Variants in ADGRF4 observed in about 807,000 individuals in gnomAD.
ADGRF4 encodes the protein adhesion G protein-coupled receptor F4.
Under a neutral mutation model 58.5 loss-of-function variants are expected in ADGRF4, and 63 were observed. The observed-to-expected ratio is 1.08, with a 90% CI of 0.88 to 1.33. ADGRF4 has a LOEUF of 1.33. Ranked by LOEUF, ADGRF4 falls within the 40% of genes most tolerant of loss-of-function variation. The pLI is 0.00. For synonymous variants in ADGRF4, 313 were observed against 295.4 expected (o/e 1.06, Z -0.61); for missense variants, 931 against 843.9 (o/e 1.10, Z -1.28).
At chr6:47,717,493 C>T (rs944992461) in intron 8 of ADGRF4, 142 bp downstream of exon 8, 14 of 687,466 alleles carry the variant, frequency 2.0e-5, no homozygotes, top group South Asian at 4.7e-5. Flanking sequence ...TTTCTTCATT[C>T]GGTAAATTTG....
At chr6:47,713,520 A>G (rs868300979) in intron 5 of ADGRF4, among the ~76,000 whole-genome samples, 1 of 152,046 alleles carries the variant, frequency 6.6e-6, no homozygotes, top group Non-Finnish European at 1.5e-5. Flanking sequence ...TTAAAATCTC[A>G]TGGGAAACTT....
At chr6:47,716,885 A>T (rs367869250) in intron 7 of ADGRF4, 38 bp downstream of exon 7, 3 of 1,436,598 alleles carry the variant, frequency 2.1e-6, no homozygotes, top group Non-Finnish European at 2.9e-6. Context: ...AATGGTTTTC[A>T]TGTGGCTGGG....
intron 4 of ADGRF4, among the ~76,000 whole-genome samples, 154 bp downstream of exon 4, chr6:47,711,040 C>G (rs915168888): frequency 1.3e-5 from 2 of 151,812 alleles, no homozygotes; most frequent in Admixed American, 1.3e-4. Context: ...GACCTTCTTT[C>G]CTTACCCAAA....
chr6:47,717,250 C>A, intron 7 of ADGRF4, 42 bp from the exon 8 acceptor site: 1 of 1,409,980 alleles, frequency 7.1e-7, no homozygotes, highest in Non-Finnish European at 1.0e-6. Context: ...GTTGTTTCTT[C>A]CAACATCTGT....
intron 1 of ADGRF4, among the ~76,000 whole-genome samples, chr6:47,703,053 G>T (rs1252427361): frequency 6.6e-6 from 1 of 152,162 alleles, no homozygotes; most frequent in Non-Finnish European, 1.5e-5. Context: ...TTGCATGCTT[G>T]TTCTTTTCTT....
intron 3 of ADGRF4, among the ~76,000 whole-genome samples, chr6:47,710,004 G>T (rs1458911575): frequency 6.6e-6 from 1 of 152,080 alleles, no homozygotes; most frequent in Non-Finnish European, 1.5e-5. Flanking sequence ...GCTTTGTTCA[G>T]GTATGAGTTA....
rs75745794 is a variant in ADGRF4, at chr6:47,709,293, C to T, written c.148+1015C>T. Among the ~76,000 whole-genome samples the T allele has an allele frequency of 3.6e-3, 543 of 152,334 alleles. 8 individuals are homozygous for T. The highest frequency in any genetic ancestry group is 0.012 in the African/African-American group (511 of 41,570). Reference sequence around the variant, plus strand: ...GTTCTTCCTATCTGAAGTGCATGCACTCTGACCGATGGGCCACATTTGGCC... The same window carrying T: ...GTTCTTCCTATCTGAAGTGCATGCATTCTGACCGATGGGCCACATTTGGCC... On this transcript the variant is annotated intron_variant, in intron 3 of 9. Transcript: ENST00000283303.
rs111640538 is a variant in ADGRF4, at chr6:47,714,629, C to T, written c.1384C>T (p.His462Tyr). ...TANVWFIIGSHFNIKAQDYNM... is the reference protein window; with the variant it reads ...TANVWFIIGSYFNIKAQDYNM... ...CAATGTGTGGTTTATCATAGGCTCT[C>T]ACTTTAACATTAAGGCCCAGGACTA... The change falls in exon 6 of 10, where the codon CAC (histidine) becomes TAC (tyrosine). Residue 462 changes from histidine to tyrosine, a missense_variant. Physicochemically the swap from His to Tyr is moderately conservative, Grantham distance 83. Transcript: ENST00000283303. 3.6e-5 allele frequency: 58 copies of T among 1,614,180 alleles called. No homozygotes were observed. In the African/African-American group the frequency reaches 5.1e-4, roughly 14 times the overall value.
Position 47,699,903 on chromosome 6 carries a change from T to TACAC in ADGRF4, c.-17+1127_-17+1130dup, listed in dbSNP as rs138771559. On this transcript the variant is annotated intron_variant, in intron 1 of 9. Coordinates refer to ENST00000283303, the MANE Select transcript of ADGRF4 (RefSeq NM_153838.5). ...ATTAGGGGAACAACACACACACACATACACACACACACACACACACAGACG... is the reference window on the plus strand; with the variant it reads ...ATTAGGGGAACAACACACACACACATACACACACACACACACACACACACAGACG... Among the ~76,000 whole-genome samples, 961 of 146,528 alleles carry TACAC rather than the reference T, an allele frequency of 6.6e-3. 11 individuals are homozygous for TACAC. Among genetic ancestry groups the TACAC allele is most frequent in the African/African-American group, 0.019 (752 of 39,522 alleles).
At chr6:47,717,217 A>G in intron 7 of ADGRF4, 75 bp from the exon 8 acceptor site, 2 of 1,048,968 alleles carry the variant, frequency 1.9e-6, no homozygotes, top group South Asian at 2.5e-5. Flanking sequence ...TACTGGTCTT[A>G]AAGTTTCAGG....
intron 5 of ADGRF4, 119 bp downstream of exon 5, chr6:47,712,727 C>A (rs1296867232): frequency 2.8e-6 from 2 of 704,288 alleles, no homozygotes; most frequent in Non-Finnish European, 4.7e-6. Context: ...CAACAGCAGG[C>A]ATTTCACTTC....
At chr6:47,706,352 G>A (rs562928424) in intron 1 of ADGRF4, among the ~76,000 whole-genome samples, 47 of 152,306 alleles carry the variant, frequency 3.1e-4, no homozygotes, top group African/African-American at 9.6e-4. Flanking sequence ...ATCTTCCTGC[G>A]CATCTAGTTT....
chr6:47,707,306 T>C lies in ADGRF4; in HGVS notation c.61T>C (p.Cys21Arg). Residue 21 changes from cysteine (C) to arginine (R), a missense_variant, in exon 2 of 10, where the codon TGT (cysteine) becomes CGT (arginine). Physicochemically the swap from Cys to Arg is radical, Grantham distance 180. Transcript: ENST00000283303. ...CCLVFFLSTE[C>R]SHYRSKIHLK... Reference sequence around the variant, plus strand: ...CTTAGTGTTCTTTCTGTCCACAGAATGTTCCCACTATAGATCCAAGATTCA... The same window carrying C: ...CTTAGTGTTCTTTCTGTCCACAGAACGTTCCCACTATAGATCCAAGATTCA... 6.2e-6 allele frequency: 10 copies of C among 1,612,554 alleles called. No homozygotes were observed. Among genetic ancestry groups the C allele is most frequent in the Non-Finnish European group, 7.6e-6 (9 of 1,178,518 alleles).
chr6:47,713,776 T>C (rs977653945), intron 5 of ADGRF4, 22 bp from the exon 6 acceptor site: 1 of 1,503,094 alleles, frequency 6.7e-7, no homozygotes, highest in Non-Finnish European at 8.9e-7. Context: ...CTTAGTATAA[T>C]GTTCACCTTT....
intron 8 of ADGRF4, among the ~76,000 whole-genome samples, chr6:47,718,005 G>A (rs188565230): frequency 5.3e-4 from 81 of 152,232 alleles, no homozygotes; most frequent in African/African-American, 1.9e-3. Context: ...CCTTAAAAAC[G>A]AAAACTTTTT....
chr6:47,712,589 T>C lies in ADGRF4; in HGVS notation c.533T>C (p.Val178Ala). ...KNISTDLSDNVTREKMKSYSE... is the reference protein window; with the variant it reads ...KNISTDLSDNATREKMKSYSE... Reference sequence around the variant, plus strand: ...ATTTCTACAGACTTGTCTGATAATGTTACTCGAGAGAAAATGAAGGTATTC... The same window carrying C: ...ATTTCTACAGACTTGTCTGATAATGCTACTCGAGAGAAAATGAAGGTATTC... Residue 178 changes from valine (V) to alanine (A), a missense_variant, in exon 5 of 10, where the codon GTT (valine) becomes GCT (alanine). Transcript: ENST00000283303. 1 of 1,578,722 alleles carries C rather than the reference T, an allele frequency of 6.3e-7. No individual in the cohort carries two copies. The highest frequency in any genetic ancestry group is 8.7e-7 in the Non-Finnish European group (1 of 1,148,082).
In ADGRF4 at chr6:47,713,863, C is replaced by G; in HGVS notation, c.618C>G (p.Pro206=). 1.3e-6 allele frequency: 2 copies of G among 1,599,500 alleles called. No individual in the cohort carries two copies. The highest frequency in any genetic ancestry group is 1.7e-6 in the Non-Finnish European group (2 of 1,173,736). ...CCATTTCAAACTGGGCTTTCATTCC[C>G]AACAAAAATGCCAGCTCGGATTTGT... ...TAAISNWAFI[P]NKNASSDLLQ... The change falls in exon 6 of 10, where the codon CCC becomes CCG. Residue 206 remains proline (P), a synonymous_variant. Transcript: ENST00000283303.
chr6:47,716,833 A>T lies in ADGRF4; in HGVS notation c.1960A>T (p.Ile654Phe). The T allele has an allele frequency of 6.2e-7, 1 of 1,600,004 alleles. No individual in the cohort carries two copies. Among genetic ancestry groups the T allele is most frequent in the Non-Finnish European group, 8.5e-7 (1 of 1,172,854 alleles). ...TTTTTTCATCCTGCTGTTTGGAACC[A>T]TTATGGATCACAAGGTAATTTGAAT... ...QGFFILLFGT[I>F]MDHKIRDALR... is the part of the protein sequence containing the mutation. Residue 654 changes from isoleucine to phenylalanine, a missense_variant, in exon 7 of 10, where the codon ATT becomes TTT. Ile to Phe is a conservative substitution (Grantham distance 21). Coordinates refer to ENST00000283303, the MANE Select transcript of ADGRF4 (RefSeq NM_153838.5).
chr6:47,718,036 T>C (rs1772067841), intron 8 of ADGRF4, among the ~76,000 whole-genome samples: 1 of 152,234 alleles, frequency 6.6e-6, no homozygotes, highest in Non-Finnish European at 1.5e-5. Context: ...ATAACTACCA[T>C]TTATATTTAG....
Sources: gnomAD v4.1 joint callset for allele counts (sites outside exome capture counted in the v4.1 genomes callset) on GRCh38, gnomAD v4.1.1 for gene constraint, MANE v1.5 for transcripts, NCBI Gene and HGNC (gene_info 2026-07-23, HGNC 2026-07-21) for gene names.